The following LRRTM4 variants were observed in gnomAD, a reference collection of about 807,000 sequenced individuals.
The protein encoded by LRRTM4 is leucine rich repeat transmembrane neuronal 4, also known as leucine-rich repeat transmembrane neuronal protein 4.
Under a neutral mutation model 47.6 loss-of-function variants are expected in LRRTM4, and 25 were observed. The ratio of observed to expected loss-of-function variants is 0.53; its 90% CI spans 0.38 to 0.73. The LOEUF is 0.73. Ranked by LOEUF, LRRTM4 falls within the 30% of genes least tolerant of loss-of-function variation. The pLI, the probability that LRRTM4 is intolerant of heterozygous loss-of-function variation, is 0.00. For missense variants in LRRTM4, 638 were observed against 713.4 expected (o/e 0.89, Z 1.20); for synonymous variants, 311 against 269.5 (o/e 1.15, Z -1.51).
intron 3 of LRRTM4, among the ~76,000 whole-genome samples, chr2:76,772,460 T>C (rs56961208): frequency 0.077 from 11,741 of 152,228 alleles, 800 homozygotes; most frequent in East Asian, 0.28. Context: ...GTTGGTAGTC[T>C]AGTACTAAAA....
intron 3 of LRRTM4, among the ~76,000 whole-genome samples, chr2:76,783,876 A>G (rs1674527676): frequency 6.6e-6 from 1 of 152,142 alleles, no homozygotes; most frequent in South Asian, 2.1e-4. Flanking sequence ...TGGGAGAAGA[A>G]TGTGTATGAT....
chr2:77,242,453 A>T (rs1675296053), intron 3 of LRRTM4, among the ~76,000 whole-genome samples: 1 of 152,140 alleles, frequency 6.6e-6, no homozygotes, highest in East Asian at 1.9e-4. Flanking sequence ...ATATATTTTA[A>T]AAACTCCTAC....
At chr2:76,877,696 CTAGATA>C (rs1379196350) in intron 3 of LRRTM4, among the ~76,000 whole-genome samples, 3 of 151,840 alleles carry the variant, frequency 2.0e-5, no homozygotes, top group African/African-American at 7.3e-5. Context: ...TCAGTGACAC[CTAGATA>C]TAAATTCAAT....
chr2:77,421,385 T>C (rs542285124), intron 3 of LRRTM4, among the ~76,000 whole-genome samples: 2 of 152,114 alleles, frequency 1.3e-5, no homozygotes, highest in Non-Finnish European at 2.9e-5. Context: ...AGTTGTCACA[T>C]CTAGGGAAAT....
chr2:76,880,381 C>T (rs925878879), intron 3 of LRRTM4, among the ~76,000 whole-genome samples: 2 of 152,182 alleles, frequency 1.3e-5, no homozygotes, highest in Non-Finnish European at 2.9e-5. Context: ...GATTATGAAT[C>T]ACTGAAGGCT....
chr2:77,470,088 T>C (rs1056244788), intron 3 of LRRTM4, among the ~76,000 whole-genome samples: 5 of 152,154 alleles, frequency 3.3e-5, no homozygotes, highest in Non-Finnish European at 7.3e-5. Context: ...CTATAAGGCA[T>C]AGTTTCTTAG....
At chr2:77,428,613 C>T (rs1007397101) in intron 3 of LRRTM4, among the ~76,000 whole-genome samples, 3 of 152,018 alleles carry the variant, frequency 2.0e-5, no homozygotes, top group Non-Finnish European at 2.9e-5. Context: ...GATATAGGCT[C>T]TAAATAATTT....
chr2:77,180,456 T>G (rs919568655), intron 3 of LRRTM4, among the ~76,000 whole-genome samples: 2 of 152,180 alleles, frequency 1.3e-5, no homozygotes, highest in Admixed American at 6.5e-5. Context: ...GCTCTGCCAC[T>G]AATTATTTTT....
intron 3 of LRRTM4, among the ~76,000 whole-genome samples, chr2:77,028,817 T>G (rs55765941): frequency 0.068 from 10,313 of 151,454 alleles, 830 homozygotes; most frequent in African/African-American, 0.18. Context: ...GGGCAAATCA[T>G]GAGGTCAGGA....
chr2:77,335,099 C>T (rs901164214), intron 3 of LRRTM4, among the ~76,000 whole-genome samples: 4 of 152,112 alleles, frequency 2.6e-5, no homozygotes, highest in Admixed American at 2.0e-4. Flanking sequence ...CCTTTTGCAA[C>T]TAGCTTATAT....
chr2:77,356,524 A>T (rs764149794), intron 3 of LRRTM4, among the ~76,000 whole-genome samples: 2 of 152,188 alleles, frequency 1.3e-5, no homozygotes, highest in Non-Finnish European at 2.9e-5. Context: ...TAAAAGGAAG[A>T]AGGTATCTTC....
chr2:77,008,253 G>A (rs1268519633), intron 3 of LRRTM4, among the ~76,000 whole-genome samples: 1 of 152,064 alleles, frequency 6.6e-6, no homozygotes, highest in Non-Finnish European at 1.5e-5. Context: ...TGAACTGGTG[G>A]TACACACATT....
chr2:77,165,064 A>G (rs1672840200), intron 3 of LRRTM4, among the ~76,000 whole-genome samples: 1 of 152,212 alleles, frequency 6.6e-6, no homozygotes, highest in East Asian at 1.9e-4. Context: ...GTAGACTGCT[A>G]GCAAGACTAA....
At chr2:76,826,164 T>G (rs571797121) in intron 3 of LRRTM4, among the ~76,000 whole-genome samples, 4 of 151,784 alleles carry the variant, frequency 2.6e-5, no homozygotes, top group African/African-American at 9.7e-5. Context: ...TCATGGTAAC[T>G]GTGCAGAAAC....
chr2:77,256,598 C>T (rs886260703), intron 3 of LRRTM4, among the ~76,000 whole-genome samples: 2 of 152,132 alleles, frequency 1.3e-5, no homozygotes, highest in African/African-American at 4.8e-5. Context: ...CACAAGCTCT[C>T]AACTGCCAAC....
In LRRTM4 at chr2:77,015,454, G is replaced by A. The variant is rs370034164; in HGVS notation, c.1552-266538C>T. 3.9e-5 allele frequency among the ~76,000 whole-genome samples: 6 copies of A among 152,004 alleles called. No individual in the cohort carries two copies. In the South Asian group the frequency reaches 1.2e-3, roughly 32 times the overall value. On this transcript the variant is annotated intron_variant, in intron 3 of 3. Coordinates refer to ENST00000409884, the MANE Select transcript of LRRTM4 (RefSeq NM_001134745.3). ...GGGTTCAAGCAATTCTCCTGCCTCA[G>A]CCTTCTGAGTACCTGGGATTACAGG...
intron 3 of LRRTM4, among the ~76,000 whole-genome samples, chr2:77,010,870 T>C (rs75813673): frequency 0.018 from 2,701 of 152,250 alleles, 88 homozygotes; most frequent in African/African-American, 0.062. Context: ...TGATTGTGGT[T>C]AGGGGCCATG....
intron 3 of LRRTM4, among the ~76,000 whole-genome samples, chr2:76,944,821 G>C (rs1210718889): frequency 6.6e-6 from 1 of 152,010 alleles, no homozygotes; most frequent in African/African-American, 2.4e-5. Flanking sequence ...CGAGTAAAAA[G>C]AGTCTCGGAG....
At chr2:77,028,566 T>C (rs943940401) in intron 3 of LRRTM4, among the ~76,000 whole-genome samples, 4 of 152,056 alleles carry the variant, frequency 2.6e-5, no homozygotes, top group African/African-American at 9.7e-5. Flanking sequence ...ATTATACCTA[T>C]AATTTCAACA....
Sources: allele counts gnomAD v4.1 joint callset (sites outside exome capture counted in the v4.1 genomes callset), GRCh38; gene constraint gnomAD v4.1.1; transcripts MANE v1.5; gene names NCBI Gene and HGNC (gene_info 2026-07-23, HGNC 2026-07-21).